Variants in PLEKHA5 observed in about 807,000 individuals in gnomAD.
PLEKHA5 encodes pleckstrin homology domain containing A5.
A neutral mutation model predicts 181.9 loss-of-function variants in PLEKHA5; 55 were observed. The observed-to-expected ratio is 0.30, with a 90% confidence interval of 0.24 to 0.38. The LOEUF (loss-of-function observed/expected upper bound fraction) is 0.38, where lower values mean the gene tolerates loss of function less well. Among genes scored for constraint, PLEKHA5 ranks in the 10% least tolerant of loss-of-function variants. PLEKHA5 has a pLI of 1.00. For missense variants in PLEKHA5, 1,432 were observed against 1,549.5 expected (o/e 0.92, Z 1.27); for synonymous variants, 535 against 529.4 (o/e 1.01, Z -0.15).
intron 3 of PLEKHA5, chr12:19,150,215 A>C (rs997634935): frequency 6.6e-6 from 1 of 152,176 alleles, no homozygotes; most frequent in Non-Finnish European, 1.5e-5. Flanking sequence ...ACTCCTGTAG[A>C]ATAGAGTTAT....
At chr12:19,137,751 T>G (rs2036082084) in intron 3 of PLEKHA5, among the ~76,000 whole-genome samples, 1 of 152,144 alleles carries the variant, frequency 6.6e-6, no homozygotes, top group Admixed American at 6.5e-5. Flanking sequence ...TCTTTTATTT[T>G]TAGCCCCAGG....
At chr12:19,370,651 T>G (rs1482581299) in intron 31 of PLEKHA5, 1 of 152,074 alleles carries the variant, frequency 6.6e-6, no homozygotes, top group African/African-American at 2.4e-5. Context: ...ATAGAGACAT[T>G]ATAAGCATTA....
In PLEKHA5 at chr12:19,163,434, A is replaced by G. The variant is rs113763058; in HGVS notation, c.227+30984A>G. ...CCTCGTGATCCGCCCACCTCGGCCTACCAAAGTGCTGGGATTATGGGTGGC... is the reference window on the plus strand; with the variant it reads ...CCTCGTGATCCGCCCACCTCGGCCTGCCAAAGTGCTGGGATTATGGGTGGC... On this transcript the variant is annotated intron_variant, in intron 3 of 31. Transcript: ENST00000429027. Among the ~76,000 whole-genome samples, 3 of 152,044 alleles carry G rather than the reference A, an allele frequency of 2.0e-5. No homozygotes were observed. In the East Asian group the frequency reaches 5.8e-4, roughly 30 times the overall value.
At chr12:19,305,558 CAAAAA>C (rs35582080) in intron 15 of PLEKHA5, among the ~76,000 whole-genome samples, 3 of 117,422 alleles carry the variant, frequency 2.6e-5, no homozygotes, top group Non-Finnish European at 5.3e-5. Context: ...GACTGTGTCT[CAAAAA>C]AAAAAAAAAA....
chr12:19,217,643 T>C (rs1180915272), intron 3 of PLEKHA5, among the ~76,000 whole-genome samples: 2 of 152,176 alleles, frequency 1.3e-5, no homozygotes, highest in East Asian at 1.9e-4. Context: ...AATTCAGTGC[T>C]GCGGAAGCCA....
chr12:19,151,721 G>A (rs2040429664), intron 3 of PLEKHA5: 3 of 151,890 alleles, frequency 2.0e-5, no homozygotes. Flanking sequence ...AATGATATAT[G>A]CAAATACTAA....
chr12:19,265,889 C>T (rs1465314248), intron 8 of PLEKHA5, 39 bp downstream of exon 8: 1 of 1,129,266 alleles, frequency 8.9e-7, no homozygotes. Context: ...GTGTTCAAAA[C>T]TTGCGTTGGT....
intron 7 of PLEKHA5, among the ~76,000 whole-genome samples, chr12:19,262,138 C>T (rs2152628990): frequency 6.6e-6 from 1 of 152,242 alleles, no homozygotes; most frequent in East Asian, 1.9e-4. Flanking sequence ...AATTTCTCTT[C>T]TCGTCTCTTT....
rs569664858 is a variant in PLEKHA5, at chr12:19,296,341, T to G, written c.2037+4644T>G. On this transcript the variant is annotated intron_variant, in intron 15 of 31. Transcript: ENST00000429027. ...GTGGGTGGATCACCTGAGGTCAGGA[T>G]TCCGAGACCAGCCTGGGACAACATG... Among the ~76,000 whole-genome samples the G allele has an allele frequency of 5.9e-5, 9 of 151,456 alleles. No homozygotes were observed. In the East Asian group the frequency reaches 1.8e-3, roughly 30 times the overall value.
intron 7 of PLEKHA5, among the ~76,000 whole-genome samples, chr12:19,264,750 A>G (rs1357704505): frequency 6.6e-6 from 1 of 151,250 alleles, no homozygotes; most frequent in Non-Finnish European, 1.5e-5. Flanking sequence ...GGCGAAATAA[A>G]TAAAATCCCA....
chr12:19,340,398 C>G (rs1316589259), intron 21 of PLEKHA5, among the ~76,000 whole-genome samples: 2 of 141,016 alleles, frequency 1.4e-5, no homozygotes, highest in Non-Finnish European at 3.2e-5. Context: ...GCCAGCCGCC[C>G]CGTCCGGGAG....
intron 3 of PLEKHA5, among the ~76,000 whole-genome samples, chr12:19,164,197 G>GTTTTTTTTT (rs59712166): frequency 2.2e-5 from 2 of 92,818 alleles, no homozygotes; most frequent in African/African-American, 7.4e-5. Flanking sequence ...AGATGTTTTT[G>GTTTTTTTTT]TTTTTTTTTT....
intron 21 of PLEKHA5, 130 bp from the exon 22 acceptor site, chr12:19,343,193 T>C: frequency 1.9e-6 from 1 of 519,632 alleles, no homozygotes; most frequent in Non-Finnish European, 3.4e-6. Flanking sequence ...TCAATCATAT[T>C]AAATATTCGT....
At chr12:19,225,593 C>T (rs916147596) in intron 3 of PLEKHA5, among the ~76,000 whole-genome samples, 2 of 152,098 alleles carry the variant, frequency 1.3e-5, no homozygotes, top group African/African-American at 2.4e-5. Context: ...ATCTGTTAAA[C>T]CCATTTTTCT....
chr12:19,259,565 A>C (rs983726193), intron 6 of PLEKHA5, among the ~76,000 whole-genome samples: 2 of 152,046 alleles, frequency 1.3e-5, no homozygotes, highest in Admixed American at 6.6e-5. Context: ...AGCCTGGCCA[A>C]CATGGAGAAA....
At chr12:19,165,849 A>G (rs753954144) in intron 3 of PLEKHA5, among the ~76,000 whole-genome samples, 3 of 152,184 alleles carry the variant, frequency 2.0e-5, no homozygotes, top group Non-Finnish European at 4.4e-5. Context: ...AAGGTTCGCA[A>G]AAGGGAAAGT....
intron 31 of PLEKHA5, chr12:19,372,477 G>T: frequency 6.9e-6 from 1 of 144,718 alleles, no homozygotes. Context: ...TGCATAGTTT[G>T]CAAATATTTC....
At chr12:19,336,061 A>T (rs1018889685) in intron 20 of PLEKHA5, among the ~76,000 whole-genome samples, 9 of 152,308 alleles carry the variant, frequency 5.9e-5, no homozygotes, top group Admixed American at 2.6e-4. Flanking sequence ...AAAGGAGAAA[A>T]GTACAGATGG....
chr12:19,361,591 A>C lies in PLEKHA5; in HGVS notation c.3493A>C (p.Thr1165Pro), dbSNP rs1296198394. 3 of 1,481,524 alleles carry C rather than the reference A, an allele frequency of 2.0e-6. No homozygotes were observed. The highest frequency in any genetic ancestry group is 1.9e-5 in the Admixed American group (1 of 51,306). The allele number at this position is 1,481,524 out of a possible 1,614,324, so 91.8% of individuals were successfully genotyped here. A position where few individuals can be genotyped will look rare whatever the true frequency, so the allele number is the denominator to read the frequency against. Reference sequence around the variant, plus strand: ...TCTTTTTATTCTACAGTTAAAAAAAACTGAAAACATTTCATATGAAATGCT... The same window carrying C: ...TCTTTTTATTCTACAGTTAAAAAAACCTGAAAACATTTCATATGAAATGCT... ...NVDFSKELKK[T>P]ENISYEMLFE... Residue 1165 changes from threonine to proline, a missense_variant, in exon 29 of 32, where the codon ACT (threonine) becomes CCT (proline). Physicochemically the swap from Thr to Pro is conservative, Grantham distance 38. Around this residue, in one of 2 missense-constraint regions of PLEKHA5, gnomAD observed 1,143 missense variants for 1,168.4 expected, o/e 0.98. Transcript: ENST00000429027.
Sources: gnomAD v4.1 joint callset for allele counts (sites outside exome capture counted in the v4.1 genomes callset) on GRCh38, gnomAD v4.1.1 for gene constraint, gnomAD v4.1.1 regional missense constraint, MANE v1.5 for transcripts, NCBI Gene and HGNC (gene_info 2026-07-23, HGNC 2026-07-21) for gene names.